EEIG2: variants seen among roughly 807,000 people sequenced by gnomAD.
EEIG2 encodes the protein EEIG family member 2, also known as family with sequence similarity 102 member B.
the EEIG2 span, among the ~76,000 whole-genome samples, chr1:108,582,235 A>G: frequency 6.6e-6 from 1 of 152,214 alleles, no homozygotes; most frequent in African/African-American, 2.4e-5. Flanking sequence ...AAACCAAAAA[A>G]TGAATGTGAC....
chr1:108,569,861 A>G, the EEIG2 span, among the ~76,000 whole-genome samples: 13 of 152,228 alleles, frequency 8.5e-5, no homozygotes, highest in East Asian at 2.5e-3. Context: ...TCAGTTTTAT[A>G]CCCATACGTG....
At chr1:108,625,822 G>GTGTGTGTGTGTGTGTGTT in the EEIG2 span, 2 of 31,630 alleles carry the variant, frequency 6.3e-5, no homozygotes, top group African/African-American at 1.2e-4. Flanking sequence ...GTGTGTGTGT[G>GTGTGTGTGTGTGTGTGTT]TGTGTGGAGA....
chr1:108,620,571 T>C, the EEIG2 span, among the ~76,000 whole-genome samples: 1 of 152,218 alleles, frequency 6.6e-6, no homozygotes, highest in Non-Finnish European at 1.5e-5. Context: ...CTAGGGGTGA[T>C]ATAAGTCTCT....
chr1:108,581,675 A>C, the EEIG2 span, among the ~76,000 whole-genome samples: 1 of 152,198 alleles, frequency 6.6e-6, no homozygotes, highest in Non-Finnish European at 1.5e-5. Context: ...ATGTGACTGA[A>C]TTGCTGCAAT....
At chr1:108,608,536 A>G in the EEIG2 span, among the ~76,000 whole-genome samples, 1 of 152,236 alleles carries the variant, frequency 6.6e-6, no homozygotes, top group South Asian at 2.1e-4. Flanking sequence ...AAAAATCATA[A>G]GGAAACATAG....
chr1:108,600,722 AACC>A, the EEIG2 span: 2 of 1,579,302 alleles, frequency 1.3e-6, no homozygotes, highest in Non-Finnish European at 1.7e-6. Context: ...CCCTTTCAGA[AACC>A]ATAATTAGTT....
chr1:108,611,363 A>G, the EEIG2 span, among the ~76,000 whole-genome samples: 1 of 152,218 alleles, frequency 6.6e-6, no homozygotes, highest in East Asian at 1.9e-4. Flanking sequence ...GATTTGTTGT[A>G]CCACATGGAA....
chr1:108,598,982 A>G, the EEIG2 span, among the ~76,000 whole-genome samples: 1 of 152,012 alleles, frequency 6.6e-6, no homozygotes, highest in African/African-American at 2.4e-5. Flanking sequence ...CCTGGATAAC[A>G]TAGAGAGACC....
chr1:108,591,972 G>C, the EEIG2 span, among the ~76,000 whole-genome samples: 4 of 152,168 alleles, frequency 2.6e-5, no homozygotes, highest in African/African-American at 9.7e-5. Context: ...ACAGACAGGG[G>C]CTTAATCATA....
At chr1:108,597,981 A>G in the EEIG2 span, among the ~76,000 whole-genome samples, 3 of 152,154 alleles carry the variant, frequency 2.0e-5, no homozygotes, top group Non-Finnish European at 4.4e-5. Context: ...TCCGGACACC[A>G]TAGCTGATGC....
the EEIG2 span, among the ~76,000 whole-genome samples, chr1:108,595,526 G>A: frequency 2.8e-4 from 39 of 138,688 alleles, no homozygotes; most frequent in African/African-American, 1.0e-3. Flanking sequence ...AGGGAGGGAG[G>A]GAGGAAAAAA....
chr1:108,608,525 A>G, the EEIG2 span, among the ~76,000 whole-genome samples: 1 of 152,250 alleles, frequency 6.6e-6, no homozygotes, highest in African/African-American at 2.4e-5. Flanking sequence ...GAAGCCAAAG[A>G]AAAAATCATA....
At chr1:108,635,462 C>T in the EEIG2 span, 1 of 244,076 alleles carries the variant, frequency 4.1e-6, no homozygotes, top group Non-Finnish European at 7.9e-6. Context: ...GCATTATATA[C>T]ATCGGAGTAT....
chr1:108,561,171 A>G, the EEIG2 span, among the ~76,000 whole-genome samples: 1 of 152,214 alleles, frequency 6.6e-6, no homozygotes, highest in Non-Finnish European at 1.5e-5. Context: ...GGGAGGGCTT[A>G]GAGCCAGATG....
At chr1:108,585,369 CTGTT>C in the EEIG2 span, among the ~76,000 whole-genome samples, 5 of 152,142 alleles carry the variant, frequency 3.3e-5, no homozygotes, top group Admixed American at 3.3e-4. Context: ...GCTATTTTAA[CTGTT>C]TGTTAGAGTT....
At chr1:108,622,111 T>G in the EEIG2 span, among the ~76,000 whole-genome samples, 2 of 151,620 alleles carry the variant, frequency 1.3e-5, no homozygotes, top group East Asian at 1.9e-4. Flanking sequence ...GAGCCGAGAG[T>G]GCGCCATTGC....
At chr1:108,610,080 T>TA in the EEIG2 span, among the ~76,000 whole-genome samples, 1 of 152,194 alleles carries the variant, frequency 6.6e-6, no homozygotes, top group African/African-American at 2.4e-5. Context: ...AAAAAACTCT[T>TA]ACAGGAAATC....
the EEIG2 span, among the ~76,000 whole-genome samples, chr1:108,564,320 G>A: frequency 2.0e-5 from 3 of 152,190 alleles, no homozygotes; most frequent in East Asian, 5.8e-4. Flanking sequence ...CCAGGCAGGA[G>A]CTAATGAGAA....
At chr1:108,623,263 C>T in the EEIG2 span, among the ~76,000 whole-genome samples, 41 of 152,162 alleles carry the variant, frequency 2.7e-4, no homozygotes, top group Non-Finnish European at 5.4e-4. Flanking sequence ...TGCTTGAACC[C>T]AGGAGTTCGA....
Sources: gnomAD v4.1 joint callset for allele counts (sites outside exome capture counted in the v4.1 genomes callset) on GRCh38, gnomAD v4.1.1 for gene constraint, MANE v1.5 for transcripts, NCBI Gene and HGNC (gene_info 2026-07-23, HGNC 2026-07-21) for gene names.